Variants in OR2C1 observed in about 807,000 individuals in gnomAD.
OR2C1 encodes olfactory receptor family 2 subfamily C member 1, also known as olfactory receptor 2C1.
For synonymous variants in OR2C1, 209 were observed against 167.3 expected (o/e 1.25, Z -1.92); for missense variants, 468 against 388.3 (o/e 1.21, Z -1.73).
upstream of OR2C1, among the ~76,000 whole-genome samples, chr16:3,355,450 T>G (rs2030646337): frequency 3.1e-4 from 2 of 6,554 alleles, no homozygotes; most frequent in South Asian, 9.6e-3. Context: ...AGAGCGAGAC[T>G]CTGTCTCAAA....
At chr16:3,330,798 G>A in the OR2C1 span, among the ~76,000 whole-genome samples, 1 of 152,100 alleles carries the variant, frequency 6.6e-6, no homozygotes, top group Non-Finnish European at 1.5e-5. Flanking sequence ...GCTGCATGCA[G>A]TGGCACAGTC....
At chr16:3,355,767 G>T (rs796824454), upstream of OR2C1, 20 of 599,714 alleles carry the variant, frequency 3.3e-5, no homozygotes, top group African/African-American at 3.7e-4. Context: ...GGGTGACAGT[G>T]AGAGACTCTG....
At chr16:3,336,922 G>A in the OR2C1 span, among the ~76,000 whole-genome samples, 2 of 151,616 alleles carry the variant, frequency 1.3e-5, no homozygotes, top group Non-Finnish European at 2.9e-5. Flanking sequence ...TGGTCAGGCT[G>A]GTCTCGAACT....
Position 3,356,145 on chromosome 16 carries a change from T to G in OR2C1, c.205T>G (p.Leu69Val), listed in dbSNP as rs749268412. The G allele has an allele frequency of 6.2e-7, 1 of 1,614,192 alleles. No homozygotes were observed. Among genetic ancestry groups the G allele is most frequent in the Admixed American group, 1.7e-5 (1 of 60,010 alleles). Residue 69 changes from leucine to valine, a missense_variant, in exon 1 of 1, where the codon TTG becomes GTG. Coordinates refer to ENST00000304936, the MANE Select transcript of OR2C1 (RefSeq NM_012368.3). The stretch of plus-strand genomic sequence containing the variant: ...CTTCTTCCTCAGCAACCTCTCCTCC[T>G]TGGACCTTGCTTTCGCTACTAGTTC... Reference protein sequence around the residue: ...MYFFLSNLSSLDLAFATSSVP... With the variant: ...MYFFLSNLSSVDLAFATSSVP...
the OR2C1 span, among the ~76,000 whole-genome samples, chr16:3,328,761 A>G: frequency 2.0e-5 from 3 of 152,182 alleles, no homozygotes; most frequent in Non-Finnish European, 2.9e-5. Context: ...TGGTGGAGCA[A>G]TGACAAACAG....
At chr16:3,326,501 C>T in the OR2C1 span, among the ~76,000 whole-genome samples, 27 of 152,332 alleles carry the variant, frequency 1.8e-4, no homozygotes, top group Admixed American at 1.2e-3. Flanking sequence ...TTCTATTCAA[C>T]TAGAAGCTTT....
chr16:3,325,930 CT>C, the OR2C1 span, among the ~76,000 whole-genome samples: 283 of 127,954 alleles, frequency 2.2e-3, no homozygotes, highest in East Asian at 6.9e-3. Flanking sequence ...CAAGTGCATT[CT>C]TTTTTTTTTT....
chr16:3,355,457 C>CAAAAAAAAAAAAAAAAAAAA (rs56022625), upstream of OR2C1, among the ~76,000 whole-genome samples: 4 of 45,500 alleles, frequency 8.8e-5, 1 homozygote, highest in Non-Finnish European at 1.6e-4. Context: ...GACTCTGTCT[C>CAAAAAAAAAAAAAAAAAAAA]AAAAAAAAAA....
chr16:3,323,633 C>T, the OR2C1 span: 6 of 718,634 alleles, frequency 8.3e-6, no homozygotes, highest in African/African-American at 1.0e-4. Context: ...TAGACTCACG[C>T]CAACAATCCT....
the OR2C1 span, among the ~76,000 whole-genome samples, chr16:3,347,874 GCACATGCA>G: frequency 2.6e-3 from 45 of 17,004 alleles, no homozygotes; most frequent in African/African-American, 0.015. Context: ...ACACACACAC[GCACATGCA>G]CACATGCACA....
chr16:3,346,926 C>T, the OR2C1 span, among the ~76,000 whole-genome samples: 1 of 151,104 alleles, frequency 6.6e-6, no homozygotes, highest in Non-Finnish European at 1.5e-5. Context: ...GCCACCACCC[C>T]TGGCCTCCTT....
At chr16:3,340,491 A>G in the OR2C1 span, among the ~76,000 whole-genome samples, 2 of 152,036 alleles carry the variant, frequency 1.3e-5, no homozygotes, top group African/African-American at 2.4e-5. Context: ...TGTATTCTTT[A>G]TTTGGTGTCA....
chr16:3,344,768 A>G, the OR2C1 span, among the ~76,000 whole-genome samples: 2 of 152,078 alleles, frequency 1.3e-5, no homozygotes, highest in Non-Finnish European at 2.9e-5. Flanking sequence ...TGTTGGGTAG[A>G]ACGTGGGAAA....
chr16:3,337,615 T>C, the OR2C1 span, among the ~76,000 whole-genome samples: 1 of 152,296 alleles, frequency 6.6e-6, no homozygotes, highest in East Asian at 1.9e-4. Context: ...CTCAGTCTTT[T>C]TGTTATATTT....
At chr16:3,355,855 T>G, upstream of OR2C1, 1 of 937,684 alleles carries the variant, frequency 1.1e-6, no homozygotes, top group Non-Finnish European at 1.6e-6. Flanking sequence ...CTGATGCAAA[T>G]CCACCTCATC....
At chr16:3,342,226 G>A in the OR2C1 span, among the ~76,000 whole-genome samples, 5 of 152,192 alleles carry the variant, frequency 3.3e-5, no homozygotes, top group South Asian at 2.1e-4. Flanking sequence ...ACTCCAGCCT[G>A]GGCAACAGAG....
the OR2C1 span, among the ~76,000 whole-genome samples, chr16:3,344,894 A>T: frequency 1.3e-5 from 2 of 152,052 alleles, no homozygotes; most frequent in African/African-American, 4.8e-5. Context: ...ATTATCCGTT[A>T]TGGACTCCCC....
chr16:3,335,444 T>C, the OR2C1 span, among the ~76,000 whole-genome samples: 3 of 152,006 alleles, frequency 2.0e-5, no homozygotes, highest in African/African-American at 7.2e-5. Flanking sequence ...TTTGAAGCTA[T>C]TGCAAGTGGG....
At chr16:3,325,205 C>T in the OR2C1 span, among the ~76,000 whole-genome samples, 3 of 152,064 alleles carry the variant, frequency 2.0e-5, no homozygotes, top group Admixed American at 2.0e-4. Flanking sequence ...TGGTCTTGAA[C>T]TCCTGGCCTC....
Sources: allele counts gnomAD v4.1 joint callset (sites outside exome capture counted in the v4.1 genomes callset), GRCh38; gene constraint gnomAD v4.1.1; transcripts MANE v1.5; gene names NCBI Gene and HGNC (gene_info 2026-07-23, HGNC 2026-07-21).